The following PTCHD4 variants were observed in gnomAD, a reference collection of about 807,000 sequenced individuals.
PTCHD4 encodes the protein patched domain containing 4.
PTCHD4 carries 33 observed loss-of-function variants against 58.1 expected under a neutral mutation model. The ratio of observed to expected loss-of-function variants is 0.57; its 90% CI spans 0.43 to 0.76. The LOEUF is 0.76. Among genes scored for constraint, PTCHD4 ranks in the 30% least tolerant of loss-of-function variants. The pLI is 0.00. For missense variants in PTCHD4, 1,058 were observed against 1,027.1 expected, an observed-to-expected ratio of 1.03 and a Z score of -0.41; for synonymous variants, 478 against 409.6, an observed-to-expected ratio of 1.17 and a Z score of -2.02.
intron 4 of PTCHD4, among the ~76,000 whole-genome samples, chr6:47,893,087 T>C (rs1399961706): frequency 1.3e-5 from 2 of 152,212 alleles, no homozygotes; most frequent in Non-Finnish European, 2.9e-5. Context: ...CTTGGCTCAC[T>C]GCAACCTCTG....
At chr6:47,893,931 A>G (rs1764454686) in intron 4 of PTCHD4, among the ~76,000 whole-genome samples, 1 of 152,252 alleles carries the variant, frequency 6.6e-6, no homozygotes, top group South Asian at 2.1e-4. Context: ...CATTCCTTAT[A>G]TGTATGTTCT....
chr6:47,956,213 C>T (rs550742932), intron 4 of PTCHD4, among the ~76,000 whole-genome samples: 6 of 152,226 alleles, frequency 3.9e-5, no homozygotes, highest in South Asian at 2.1e-4. Flanking sequence ...AGAATCCTGA[C>T]GATACAAATA....
In PTCHD4 at chr6:48,068,151, C is replaced by T; in HGVS notation, c.417+79G>A. ...AGATCCTCTAGCACTGAAATAATAT[C>T]ATCCAGCACGCATTTCTTATCCTGA... is the stretch of plus-strand genomic sequence containing the variant. On this transcript the variant is annotated intron_variant, in intron 3 of 4. Transcript: ENST00000339488. This position sits in a 1 kb window ranked among gnomAD's most constrained non-coding sequence, Gnocchi z 4.2. The T allele has an allele frequency of 6.3e-6, 9 of 1,426,600 alleles. No individual in the cohort carries two copies. Among genetic ancestry groups the T allele is most frequent in the Non-Finnish European group, 8.5e-6 (9 of 1,055,430 alleles). 88.4% of individuals were successfully genotyped at this position (1,426,600 alleles called of 1,614,324 possible).
At chr6:47,901,717 C>G in intron 4 of PTCHD4, 2 of 1,174,076 alleles carry the variant, frequency 1.7e-6, no homozygotes, top group Admixed American at 3.7e-5. Flanking sequence ...GGGCTGGGTT[C>G]TTAGACTAGA....
intron 3 of PTCHD4, among the ~76,000 whole-genome samples, chr6:48,023,129 T>A (rs956111512): frequency 2.6e-5 from 4 of 152,198 alleles, no homozygotes; most frequent in Non-Finnish European, 5.9e-5. Flanking sequence ...TCGTGCCATT[T>A]CATTTGTTGA....
At chr6:47,904,192 A>G (rs1764803064) in intron 4 of PTCHD4, among the ~76,000 whole-genome samples, 1 of 152,208 alleles carries the variant, frequency 6.6e-6, no homozygotes, top group African/African-American at 2.4e-5. Flanking sequence ...CCATTAGATA[A>G]GATCACCTTG....
intron 4 of PTCHD4, among the ~76,000 whole-genome samples, chr6:47,959,052 C>A (rs115871443): frequency 2.3e-3 from 356 of 152,232 alleles, no homozygotes; most frequent in African/African-American, 8.1e-3. Context: ...CAATTTCTAG[C>A]ATCTGATAAA....
intron 4 of PTCHD4, among the ~76,000 whole-genome samples, chr6:47,921,795 A>C (rs1765439384): frequency 6.6e-6 from 1 of 152,056 alleles, no homozygotes; most frequent in Non-Finnish European, 1.5e-5. Flanking sequence ...ACTTGAGAGA[A>C]GAATACATTT....
intron 4 of PTCHD4, among the ~76,000 whole-genome samples, chr6:47,919,067 C>A (rs1361464078): frequency 6.6e-6 from 1 of 151,976 alleles, no homozygotes; most frequent in Admixed American, 6.6e-5. Context: ...GTATAACAGC[C>A]CTGGACTGCT....
chr6:47,928,290 G>A (rs745699122), intron 4 of PTCHD4, among the ~76,000 whole-genome samples: 1 of 152,170 alleles, frequency 6.6e-6, no homozygotes, highest in Non-Finnish European at 1.5e-5. Flanking sequence ...AACTTTAGCA[G>A]GAAAGAGTTT....
At chr6:48,011,584 C>T (rs1220186161) in intron 3 of PTCHD4, among the ~76,000 whole-genome samples, 2 of 152,082 alleles carry the variant, frequency 1.3e-5, no homozygotes, top group African/African-American at 4.8e-5. Context: ...TAATTAGATC[C>T]CATTTGTCAA....
At chr6:48,053,494 G>A (rs1342480567) in intron 3 of PTCHD4, among the ~76,000 whole-genome samples, 5 of 131,698 alleles carry the variant, frequency 3.8e-5, no homozygotes, top group Non-Finnish European at 8.1e-5. Context: ...AAATCAGAGA[G>A]CTAATAACAA....
In PTCHD4 at chr6:47,906,117, C is replaced by T. The variant is rs563186218; in HGVS notation, c.899-26181G>A. On this transcript the variant is annotated intron_variant, in intron 4 of 4. Transcript: ENST00000339488. ...GAAGTCCAGGATCTCACAAATGTAC[C>T]CTGTCTTGTGGCCAAGACTTACTCA... is the stretch of plus-strand genomic sequence containing the variant. Among the ~76,000 whole-genome samples, 141 of 152,296 alleles carry T rather than the reference C, an allele frequency of 9.3e-4. 2 individuals carry two copies. Among genetic ancestry groups the T allele is most frequent in the Middle Eastern group, 6.8e-3 (2 of 294 alleles).
rs1315859190 is a variant in PTCHD4, at chr6:47,870,552, A to G, written c.*7751T>C. Among the ~76,000 whole-genome samples, 1 of 151,692 alleles carries G rather than the reference A, an allele frequency of 6.6e-6. No homozygotes were observed. Among genetic ancestry groups the G allele is most frequent in the Admixed American group, 6.6e-5 (1 of 15,184 alleles). ...ATCAACATAGAGGTAAATTTTGATA[A>G]TGGACCAAATTCAGGTGAATTGGAA... On this transcript the variant is annotated 3_prime_UTR_variant, in exon 5 of 5. Coordinates refer to ENST00000339488, the MANE Select transcript of PTCHD4 (RefSeq NM_001384253.1).
intron 4 of PTCHD4, among the ~76,000 whole-genome samples, chr6:47,946,248 A>T (rs1324289588): frequency 6.6e-6 from 1 of 152,150 alleles, no homozygotes. Flanking sequence ...TTCCATTATT[A>T]CTGCTTTTTT....
At chr6:48,036,808 G>A (rs2114143607) in intron 3 of PTCHD4, among the ~76,000 whole-genome samples, 1 of 152,284 alleles carries the variant, frequency 6.6e-6, no homozygotes, top group Non-Finnish European at 1.5e-5. Context: ...TTCTATTCAT[G>A]AAATTGTGAG....
chr6:47,916,650 T>TACACACACAC (rs147208530), intron 4 of PTCHD4, among the ~76,000 whole-genome samples: 115 of 150,810 alleles, frequency 7.6e-4, no homozygotes, highest in African/African-American at 2.6e-3. Context: ...GACACACACA[T>TACACACACAC]ACACACACAC....
At chr6:48,051,217 A>G (rs1376425740) in intron 3 of PTCHD4, among the ~76,000 whole-genome samples, 1 of 151,954 alleles carries the variant, frequency 6.6e-6, no homozygotes, top group Non-Finnish European at 1.5e-5. Context: ...TAATGGGAAT[A>G]AAAATGCTGA....
chr6:47,950,056 G>A (rs1766581820), intron 4 of PTCHD4, among the ~76,000 whole-genome samples: 1 of 119,872 alleles, frequency 8.3e-6, no homozygotes, highest in South Asian at 2.8e-4. Context: ...ACAGGCCCCG[G>A]AGTGTGACGT....
Sources: gnomAD v4.1 joint callset for allele counts (sites outside exome capture counted in the v4.1 genomes callset) on GRCh38, gnomAD v4.1.1 for gene constraint, Gnocchi (gnomAD v3.1) non-coding constraint, MANE v1.5 for transcripts, NCBI Gene and HGNC (gene_info 2026-07-23, HGNC 2026-07-21) for gene names.